Variants in PTH2R observed in about 807,000 individuals in gnomAD.
PTH2R encodes PTH2 receptor.
PTH2R carries 59 observed loss-of-function variants against 60.3 expected under a neutral mutation model. The observed-to-expected ratio is 0.98, with a 90% CI of 0.79 to 1.22. PTH2R has a LOEUF of 1.22. Among genes scored for constraint, PTH2R ranks in the 50% most tolerant of loss-of-function variants. PTH2R has a pLI of 0.00. For missense variants in PTH2R, 749 were observed against 682.6 expected, an observed-to-expected ratio of 1.10 and a Z score of -1.08; for synonymous variants, 256 against 243.8, an observed-to-expected ratio of 1.05 and a Z score of -0.47.
intron 1 of PTH2R, among the ~76,000 whole-genome samples, chr2:208,415,278 C>T (rs899924199): frequency 6.6e-6 from 1 of 151,984 alleles, no homozygotes; most frequent in Non-Finnish European, 1.5e-5. Flanking sequence ...AGATTTAAAA[C>T]ATTTAAAAGG....
At chr2:208,392,982 G>T (rs1701134280) in intron 1 of PTH2R, among the ~76,000 whole-genome samples, 1 of 152,228 alleles carries the variant, frequency 6.6e-6, no homozygotes, top group Non-Finnish European at 1.5e-5. Flanking sequence ...GTCAAGGAAG[G>T]TTCGTATTGC....
At chr2:208,459,552 C>T (rs1346343564) in intron 8 of PTH2R, among the ~76,000 whole-genome samples, 1 of 152,116 alleles carries the variant, frequency 6.6e-6, no homozygotes, top group Non-Finnish European at 1.5e-5. Flanking sequence ...TATCATGGCT[C>T]ATTCCAATAA....
intron 10 of PTH2R, among the ~76,000 whole-genome samples, chr2:208,484,377 G>A (rs1038951659): frequency 6.6e-6 from 1 of 152,188 alleles, no homozygotes; most frequent in African/African-American, 2.4e-5. Flanking sequence ...ACATACAGTT[G>A]CAAAAATAAT....
chr2:208,468,408 C>T (rs1702803299), intron 9 of PTH2R, among the ~76,000 whole-genome samples: 1 of 152,164 alleles, frequency 6.6e-6, no homozygotes, highest in Non-Finnish European at 1.5e-5. Context: ...AGTGATGGAG[C>T]CGGGTTCTGA....
At chr2:208,475,546 T>C (rs1259477571) in intron 9 of PTH2R, among the ~76,000 whole-genome samples, 1 of 152,182 alleles carries the variant, frequency 6.6e-6, no homozygotes, top group African/African-American at 2.4e-5. Flanking sequence ...ATAAAAATAA[T>C]TCATAGAATC....
At chr2:208,458,973 A>T (rs1702576464) in intron 8 of PTH2R, among the ~76,000 whole-genome samples, 1 of 150,896 alleles carries the variant, frequency 6.6e-6, no homozygotes, top group Admixed American at 6.6e-5. Flanking sequence ...TATGCCCAGT[A>T]ATGGGATTGC....
intron 2 of PTH2R, among the ~76,000 whole-genome samples, chr2:208,432,277 T>G (rs1218863593): frequency 1.3e-5 from 2 of 152,204 alleles, no homozygotes; most frequent in Non-Finnish European, 2.9e-5. Context: ...CTAAAAAGTA[T>G]GAATAAGTTT....
chr2:208,410,009 A>G (rs1446953158), intron 1 of PTH2R, among the ~76,000 whole-genome samples: 1 of 152,136 alleles, frequency 6.6e-6, no homozygotes, highest in East Asian at 1.9e-4. Context: ...CAAATCTGAC[A>G]AAATTTTTTC....
chr2:208,414,994 TCA>T (rs1701611620), intron 1 of PTH2R, among the ~76,000 whole-genome samples: 1 of 152,080 alleles, frequency 6.6e-6, no homozygotes, highest in Non-Finnish European at 1.5e-5. Flanking sequence ...TGAGAAACTA[TCA>T]CAACCTAGAA....
At chr2:208,472,866 T>C (rs1206271706) in intron 9 of PTH2R, among the ~76,000 whole-genome samples, 1 of 143,902 alleles carries the variant, frequency 6.9e-6, no homozygotes, top group Non-Finnish European at 1.5e-5. Flanking sequence ...ATTTTTATTA[T>C]TCCCAGTTTG....
At chr2:208,374,054 C>G (rs1179981260) in intron 1 of PTH2R, among the ~76,000 whole-genome samples, 1 of 151,330 alleles carries the variant, frequency 6.6e-6, no homozygotes, top group Non-Finnish European at 1.5e-5. Flanking sequence ...GGAATAGCCC[C>G]ACCTTAAAGA....
At chr2:208,378,566 G>A (rs1042635628) in intron 1 of PTH2R, among the ~76,000 whole-genome samples, 2 of 151,920 alleles carry the variant, frequency 1.3e-5, no homozygotes, top group Non-Finnish European at 2.9e-5. Context: ...GAGCCCTCCC[G>A]AATAAATTTA....
intron 9 of PTH2R, among the ~76,000 whole-genome samples, chr2:208,475,578 G>A (rs71418691): frequency 0.012 from 1,775 of 152,254 alleles, 13 homozygotes; most frequent in Non-Finnish European, 0.019. Flanking sequence ...AAGTTGGGAA[G>A]CATTTTGGGG....
intron 4 of PTH2R, among the ~76,000 whole-genome samples, chr2:208,442,136 G>T (rs1419085098): frequency 6.6e-6 from 1 of 152,172 alleles, no homozygotes; most frequent in African/African-American, 2.4e-5. Context: ...GATTTCCTGG[G>T]GGTGGATAGT....
chr2:208,493,688 C>G lies in PTH2R; in HGVS notation c.*29C>G, dbSNP rs763487260. On this transcript the variant is annotated 3_prime_UTR_variant, in exon 13 of 13. Coordinates refer to ENST00000272847, the MANE Select transcript of PTH2R (RefSeq NM_005048.4). Reference sequence around the variant, plus strand: ...GACATTTGTGGCTGACTTTCATGGGCTGGTCCAATGGCTGGTTGTGTGAGA... The same window carrying G: ...GACATTTGTGGCTGACTTTCATGGGGTGGTCCAATGGCTGGTTGTGTGAGA... The G allele has an allele frequency of 4.6e-6, 7 of 1,522,232 alleles. No individual in the cohort carries two copies. The highest frequency in any genetic ancestry group is 5.3e-6 in the Non-Finnish European group (6 of 1,131,966). 94.3% of individuals were successfully genotyped at this position (1,522,232 alleles called of 1,614,324 possible). A position where few individuals can be genotyped will look rare whatever the true frequency, so the allele number is the denominator to read the frequency against.
intron 4 of PTH2R, among the ~76,000 whole-genome samples, chr2:208,438,801 A>G (rs1702128057): frequency 6.6e-6 from 1 of 152,106 alleles, no homozygotes; most frequent in African/African-American, 2.4e-5. Flanking sequence ...GCAGCAAGAG[A>G]AGTAGTGAGT....
chr2:208,395,474 G>C (rs560839882), intron 1 of PTH2R, among the ~76,000 whole-genome samples: 5 of 152,144 alleles, frequency 3.3e-5, no homozygotes, highest in Non-Finnish European at 5.9e-5. Context: ...GCTCACCAGC[G>C]GTGTGGTAGC....
intron 1 of PTH2R, among the ~76,000 whole-genome samples, chr2:208,381,050 A>T (rs2125876402): frequency 6.6e-6 from 1 of 152,254 alleles, no homozygotes; most frequent in South Asian, 2.1e-4. Flanking sequence ...TATATCACAC[A>T]ATCTGTCTCA....
intron 9 of PTH2R, among the ~76,000 whole-genome samples, chr2:208,477,916 C>CTACTACTAG (rs1263404762): frequency 2.0e-5 from 3 of 147,588 alleles, no homozygotes; most frequent in African/African-American, 7.4e-5. Flanking sequence ...AGTACTAGCA[C>CTACTACTAG]TACTACTAGT....
Sources: allele counts gnomAD v4.1 joint callset (sites outside exome capture counted in the v4.1 genomes callset), GRCh38; gene constraint gnomAD v4.1.1; transcripts MANE v1.5; gene names NCBI Gene and HGNC (gene_info 2026-07-23, HGNC 2026-07-21).